The following BRF1 variants were observed in gnomAD, a reference collection of about 807,000 sequenced individuals.
The protein encoded by BRF1 is BRF1 general transcription factor IIIB subunit.
Under a neutral mutation model 81.7 loss-of-function variants are expected in BRF1, and 59 were observed. The observed-to-expected ratio is 0.72, with a 90% CI of 0.59 to 0.90. The LOEUF (loss-of-function observed/expected upper bound fraction) is 0.90, where lower values mean the gene tolerates loss of function less well. BRF1 is among the 40% of genes least tolerant of loss of function. The pLI is 0.00. For synonymous variants in BRF1, 491 were observed against 395.6 expected (o/e 1.24, Z -2.86); for missense variants, 1,050 against 936.3 (o/e 1.12, Z -1.58).
intron 3 of BRF1, 97 bp downstream of exon 3, chr14:105,272,624 A>T: frequency 7.0e-7 from 1 of 1,423,130 alleles, no homozygotes; most frequent in Non-Finnish European, 9.4e-7. Flanking sequence ...TTAAAGACAA[A>T]CACCAAGTTA....
intron 15 of BRF1, among the ~76,000 whole-genome samples, chr14:105,214,501 A>ATGGCTCAGCTGCCCACACCCCTGCG (rs1437722141): frequency 2.1e-4 from 8 of 37,694 alleles, no homozygotes; most frequent in Non-Finnish European, 4.2e-4. Flanking sequence ...ACACCCCTGC[A>ATGGCTCAGCTGCCCACACCCCTGCG]TGGCTCAGCT....
At chr14:105,266,383 A>G (rs1307246935) in intron 3 of BRF1, among the ~76,000 whole-genome samples, 1 of 152,180 alleles carries the variant, frequency 6.6e-6, no homozygotes, top group East Asian at 1.9e-4. Flanking sequence ...ACAGTGGTAC[A>G]GCCTGGGAGA....
chr14:105,210,629 G>T lies in BRF1; in HGVS notation c.1997-41C>A. 1 of 1,607,242 alleles carries T rather than the reference G, an allele frequency of 6.2e-7. No homozygotes were observed. ...GTCATGAAGCCCAGGGTCTCTGTGG[G>T]ACCCAGGAGCCCAGACCCCCCAACC... On this transcript the variant is annotated intron_variant, in intron 17 of 17. Coordinates refer to ENST00000547530, the MANE Select transcript of BRF1 (RefSeq NM_001519.4). This position sits in a 1 kb window ranked among gnomAD's most constrained non-coding sequence, Gnocchi z 4.7.
At chr14:105,296,429 C>T (rs1224612430) in intron 1 of BRF1, among the ~76,000 whole-genome samples, 1 of 151,928 alleles carries the variant, frequency 6.6e-6, no homozygotes, top group Non-Finnish European at 1.5e-5. Context: ...AGGAGAATGG[C>T]ATGAACCTGG....
At chr14:105,251,402 G>C (rs1345502108) in intron 5 of BRF1, among the ~76,000 whole-genome samples, 3 of 152,146 alleles carry the variant, frequency 2.0e-5, no homozygotes, top group Non-Finnish European at 4.4e-5. Context: ...TGGACCCTGG[G>C]GACTGTCACT....
In BRF1 at chr14:105,291,046, T is replaced by C. The variant is rs587680463; in HGVS notation, c.185-4670A>G. Among the ~76,000 whole-genome samples, 29 of 152,274 alleles carry C rather than the reference T, an allele frequency of 1.9e-4. 1 individual carries two copies. Among genetic ancestry groups the C allele is most frequent in the Middle Eastern group, 6.8e-3 (2 of 294 alleles). ...CTACTTCTAAAAACATTTGGTATTT[T>C]CCATAGCGTGTTTCTATAACAAAAA... is the stretch of plus-strand genomic sequence containing the variant. On this transcript the variant is annotated intron_variant, in intron 1 of 17. Transcript: ENST00000547530.
intron 5 of BRF1, chr14:105,248,553 CGCGGCGGGTACGGGCTCGG>C: frequency 1.8e-6 from 1 of 571,226 alleles, no homozygotes; most frequent in Non-Finnish European, 2.1e-6. Context: ...GCACCGGCGC[CGCGGCGGGTACGGGCTCGG>C]GCGGGCGGGC....
intron 3 of BRF1, among the ~76,000 whole-genome samples, chr14:105,262,863 C>G (rs1168797821): frequency 6.6e-6 from 1 of 152,088 alleles, no homozygotes; most frequent in East Asian, 1.9e-4. Flanking sequence ...CTGTCATAGT[C>G]TGGCAGTGCC....
In BRF1 at chr14:105,228,822, C is replaced by G. The variant is rs1252355202; in HGVS notation, c.786G>C (p.Lys262Asn). Residue 262 changes from lysine (K) to asparagine (N), a missense_variant and splice_region_variant, in exon 7 of 18, where the codon AAG becomes AAC. Lys to Asn is a moderately conservative substitution (Grantham distance 94, BLOSUM62 0). This residue lies in a region of BRF1 where 1,043 missense variants were observed against 915.4 expected (regional missense o/e 1.14). Coordinates refer to ENST00000547530, the MANE Select transcript of BRF1 (RefSeq NM_001519.4). The stretch of plus-strand genomic sequence containing the variant: ...TGCCATGAATGAGAGCCCCTCACCT[C>G]TTCCGCAGCGTGGACTCACACACTT... ...VVKVCESTLRKRLTEFEDTPT... is the reference protein window; with the variant it reads ...VVKVCESTLRNRLTEFEDTPT... The G allele has an allele frequency of 6.2e-7, 1 of 1,613,902 alleles. No homozygotes were observed. The highest frequency in any genetic ancestry group is 8.5e-7 in the Non-Finnish European group (1 of 1,180,010).
chr14:105,227,067 G>A (rs1893225855), intron 7 of BRF1: 1 of 327,568 alleles, frequency 3.1e-6, no homozygotes, highest in Non-Finnish European at 5.6e-6. Flanking sequence ...AACGAGCTGT[G>A]ATAGCGCCAC....
intron 3 of BRF1, among the ~76,000 whole-genome samples, chr14:105,256,827 C>G (rs772464352): frequency 1.1e-4 from 16 of 152,160 alleles, no homozygotes; most frequent in African/African-American, 1.4e-4. Context: ...GTCGGGGGAA[C>G]CAGAAACGGT....
intron 3 of BRF1, among the ~76,000 whole-genome samples, chr14:105,272,008 C>T (rs1254840173): frequency 1.8e-3 from 4 of 2,182 alleles, no homozygotes; most frequent in South Asian, 0.019. Flanking sequence ...CCTGCAGTCA[C>T]GGTGTCCACG....
At chr14:105,228,448 G>A (rs1429895888) in intron 7 of BRF1, among the ~76,000 whole-genome samples, 3 of 151,958 alleles carry the variant, frequency 2.0e-5, no homozygotes, top group African/African-American at 7.3e-5. Flanking sequence ...GGAGGCTGAG[G>A]CAGGAGAATC....
chr14:105,264,666 CAAAA>C (rs56970432), intron 3 of BRF1, among the ~76,000 whole-genome samples: 16,522 of 59,458 alleles, frequency 0.28, 1,091 homozygotes, highest in South Asian at 0.36. Flanking sequence ...GACTCCATCT[CAAAA>C]AAAAAAAAAA....
chr14:105,219,461 C>T, intron 12 of BRF1: 2 of 929,044 alleles, frequency 2.2e-6, no homozygotes, highest in South Asian at 1.9e-5. Context: ...TGTGTGAGAC[C>T]CCCTAGGGCA....
chr14:105,304,449 T>C (rs2058121885), upstream of BRF1, among the ~76,000 whole-genome samples: 1 of 152,008 alleles, frequency 6.6e-6, no homozygotes, highest in African/African-American at 2.4e-5. Context: ...GATGGCGTCA[T>C]TGCACTTCAG....
Position 105,219,009 on chromosome 14 carries a change from T to C in BRF1, c.1504A>G (p.Lys502Glu), listed in dbSNP as rs1891799525. Reference sequence around the variant, plus strand: ...TCACAGGCGCCCACCTTGTGTTCCTTGTAGATGCCGAGCTCCTTCTCTTTC... The same window carrying C: ...TCACAGGCGCCCACCTTGTGTTCCTCGTAGATGCCGAGCTCCTTCTCTTTC... ...IAKEKELGIY[K>E]EHKPKKSCKR... is the part of the protein sequence containing the mutation. The change falls in exon 14 of 18, where the codon AAG (lysine) becomes GAG (glutamate). Residue 502 changes from lysine to glutamate, a missense_variant. By Grantham distance (56) the Lys-to-Glu change is moderately conservative. Coordinates refer to ENST00000547530, the MANE Select transcript of BRF1 (RefSeq NM_001519.4). 4 of 1,613,850 alleles carry C rather than the reference T, an allele frequency of 2.5e-6. No individual in the cohort carries two copies. The highest frequency in any genetic ancestry group is 1.7e-6 in the Non-Finnish European group (2 of 1,180,010).
chr14:105,251,020 C>G (rs1479298037), intron 5 of BRF1: 1 of 264,776 alleles, frequency 3.8e-6, no homozygotes, highest in African/African-American at 2.2e-5. Flanking sequence ...TTGAGACCTT[C>G]CCTTCAAATC....
intron 2 of BRF1, among the ~76,000 whole-genome samples, chr14:105,274,327 C>T (rs587595828): frequency 8.9e-4 from 136 of 152,264 alleles, no homozygotes; most frequent in African/African-American, 3.2e-3. Flanking sequence ...AGACCGGTGC[C>T]GGTGCAGGTC....
Sources: gnomAD v4.1 joint callset for allele counts (sites outside exome capture counted in the v4.1 genomes callset) on GRCh38, gnomAD v4.1.1 for gene constraint, gnomAD v4.1.1 regional missense constraint, Gnocchi (gnomAD v3.1) non-coding constraint, MANE v1.5 for transcripts, NCBI Gene and HGNC (gene_info 2026-07-23, HGNC 2026-07-21) for gene names.